The following KSR1 variants were observed in gnomAD, a reference collection of about 807,000 sequenced individuals.
The protein encoded by KSR1 is kinase suppressor of ras.
Under a neutral mutation model 92.9 loss-of-function variants are expected in KSR1, and 35 were observed. The ratio of observed to expected loss-of-function variants is 0.38; its 90% CI spans 0.29 to 0.50. The LOEUF (loss-of-function observed/expected upper bound fraction) is 0.50, where lower values mean the gene tolerates loss of function less well. Ranked by LOEUF, KSR1 falls within the 20% of genes least tolerant of loss-of-function variation. The pLI is 0.94. For missense variants in KSR1, 972 were observed against 1,158.5 expected, an observed-to-expected ratio of 0.84 and a Z score of 2.34; for synonymous variants, 467 against 472.6, an observed-to-expected ratio of 0.99 and a Z score of 0.15.
chr17:27,511,019 G>A (rs930209964), intron 1 of KSR1, among the ~76,000 whole-genome samples: 1 of 152,168 alleles, frequency 6.6e-6, no homozygotes, highest in South Asian at 2.1e-4. Context: ...AGAAGGTGGG[G>A]ATGAGCCTGC....
intron 1 of KSR1, among the ~76,000 whole-genome samples, chr17:27,486,183 GCT>G (rs1373851432): frequency 6.6e-6 from 1 of 152,158 alleles, no homozygotes; most frequent in African/African-American, 2.4e-5. Context: ...ACTTCCCCTG[GCT>G]CTGAGCATTT....
At chr17:27,531,342 A>T (rs893028420) in intron 1 of KSR1, among the ~76,000 whole-genome samples, 1 of 152,248 alleles carries the variant, frequency 6.6e-6, no homozygotes, top group Non-Finnish European at 1.5e-5. Context: ...TCACAGGCCC[A>T]GGGTTACAGA....
intron 1 of KSR1, among the ~76,000 whole-genome samples, chr17:27,512,932 C>T (rs991899878): frequency 2.6e-5 from 4 of 152,172 alleles, no homozygotes; most frequent in African/African-American, 4.8e-5. Context: ...CTGCCAGCGC[C>T]CCCGGAGGCT....
chr17:27,461,633 C>T lies in KSR1; in HGVS notation c.231+4759C>T, dbSNP rs552831299. ...CCGGGTAACTTTTTCCCTGGTGAAA[C>T]CTACCTCCCAAATGTTTCTTAGAGG... On this transcript the variant is annotated intron_variant, in intron 1 of 20. Transcript: ENST00000644974. Among the ~76,000 whole-genome samples the T allele has an allele frequency of 3.9e-5, 6 of 152,312 alleles. No individual in the cohort carries two copies. The South Asian group carries it at 1.2e-3, about 32-fold the overall frequency.
intron 1 of KSR1, among the ~76,000 whole-genome samples, chr17:27,527,391 G>C (rs867708967): frequency 0.083 from 2,162 of 26,206 alleles, 6 homozygotes; most frequent in Non-Finnish European, 0.12. Context: ...TGGCACACCC[G>C]CCCCCCCCCC....
At chr17:27,515,611 G>GTTT (rs770675553) in intron 1 of KSR1, among the ~76,000 whole-genome samples, 6 of 109,020 alleles carry the variant, frequency 5.5e-5, no homozygotes, top group East Asian at 2.8e-4. Context: ...CTGCTTCGTA[G>GTTT]TTTTTTTTTT....
In KSR1 at chr17:27,624,467, C is replaced by G. The variant is rs1444292541; in HGVS notation, c.*1075C>G. The G allele has an allele frequency of 6.6e-6, 1 of 152,294 alleles. No homozygotes were observed. Among genetic ancestry groups the G allele is most frequent in the Non-Finnish European group, 1.5e-5 (1 of 68,140 alleles). 9.4% of individuals were successfully genotyped at this position (152,294 alleles called of 1,614,324 possible). On this transcript the variant is annotated 3_prime_UTR_variant, in exon 21 of 21. Transcript: ENST00000644974. ...AGCTGGGCAGTGTGTGGGCTATCACCCCTTTCATTTAGACCTACCTAGCTG... is the reference window on the plus strand; with the variant it reads ...AGCTGGGCAGTGTGTGGGCTATCACGCCTTTCATTTAGACCTACCTAGCTG...
chr17:27,487,390 G>A (rs991467978), intron 1 of KSR1, among the ~76,000 whole-genome samples: 2 of 152,240 alleles, frequency 1.3e-5, no homozygotes, highest in East Asian at 1.9e-4. Context: ...AGCCGAGATC[G>A]CGCCTCTGCA....
At chr17:27,484,827 G>A (rs1013531196) in intron 1 of KSR1, among the ~76,000 whole-genome samples, 18 of 152,198 alleles carry the variant, frequency 1.2e-4, no homozygotes, top group Admixed American at 5.9e-4. Context: ...GGGATTAACC[G>A]GGGAGCTGCG....
intron 1 of KSR1, among the ~76,000 whole-genome samples, chr17:27,508,906 T>G (rs932259699): frequency 6.6e-6 from 1 of 151,960 alleles, no homozygotes; most frequent in Non-Finnish European, 1.5e-5. Context: ...ACTTTTTGTA[T>G]TTTTAGTAGA....
At chr17:27,587,746 G>A (rs1287035034) in intron 5 of KSR1, 2 of 152,438 alleles carry the variant, frequency 1.3e-5, no homozygotes, top group Non-Finnish European at 2.9e-5. Flanking sequence ...CACTAGGGAT[G>A]CCTGTTCTTA....
At chr17:27,511,630 G>C (rs921276711) in intron 1 of KSR1, among the ~76,000 whole-genome samples, 1 of 152,178 alleles carries the variant, frequency 6.6e-6, no homozygotes, top group African/African-American at 2.4e-5. Flanking sequence ...CTGGGCTGTG[G>C]CTCCATGGCT....
At chr17:27,537,589 G>A (rs561895441) in intron 1 of KSR1, among the ~76,000 whole-genome samples, 19 of 152,280 alleles carry the variant, frequency 1.2e-4, no homozygotes, top group African/African-American at 3.4e-4. Flanking sequence ...TACTTGGGAG[G>A]CTGAGGTGGG....
chr17:27,560,050 G>T (rs1371674663), intron 2 of KSR1, among the ~76,000 whole-genome samples: 2 of 152,226 alleles, frequency 1.3e-5, no homozygotes, highest in African/African-American at 2.4e-5. Flanking sequence ...GGGGTGAGGA[G>T]CGCTGCCTCC....
Position 27,623,458 on chromosome 17 carries a change from A to G in KSR1, c.*66A>G, listed in dbSNP as rs1296579254. The G allele has an allele frequency of 2.8e-6, 2 of 713,268 alleles. No homozygotes were observed. Among genetic ancestry groups the G allele is most frequent in the African/African-American group, 3.5e-5 (2 of 57,702 alleles). The allele number at this position is 713,268 out of a possible 1,614,324, so 44.2% of individuals were successfully genotyped here. On this transcript the variant is annotated 3_prime_UTR_variant, in exon 21 of 21. Transcript: ENST00000644974. ...AAATGTGTTTCTGAAACATCCCAAC[A>G]ACCACCACGACAAAAAAACACTGCC... is the stretch of plus-strand genomic sequence containing the variant.
At chr17:27,484,029 G>A (rs546634096) in intron 1 of KSR1, among the ~76,000 whole-genome samples, 1 of 152,288 alleles carries the variant, frequency 6.6e-6, no homozygotes, top group Non-Finnish European at 1.5e-5. Flanking sequence ...GGGGAGCTGG[G>A]GATGTGTCTC....
chr17:27,600,835 G>A (rs2073529720), intron 10 of KSR1, among the ~76,000 whole-genome samples: 1 of 152,196 alleles, frequency 6.6e-6, no homozygotes, highest in Non-Finnish European at 1.5e-5. Flanking sequence ...TAAGGTCCCA[G>A]AGCCTAGTTA....
chr17:27,480,077 T>C (rs187117306), intron 1 of KSR1, among the ~76,000 whole-genome samples: 1 of 152,296 alleles, frequency 6.6e-6, no homozygotes, highest in African/African-American at 2.4e-5. Flanking sequence ...GACCATTGAC[T>C]CTCATTCCAC....
chr17:27,467,112 G>C lies in KSR1; in HGVS notation c.231+10238G>C, dbSNP rs1201308610. On this transcript the variant is annotated intron_variant, in intron 1 of 20. Transcript: ENST00000644974. ...TTACAGATGAAGAAACTGAGGCACAGAGGGGTTAAGTGACTTTCCCAGAGT... is the reference window on the plus strand; with the variant it reads ...TTACAGATGAAGAAACTGAGGCACACAGGGGTTAAGTGACTTTCCCAGAGT... Among the ~76,000 whole-genome samples, 9 of 152,230 alleles carry C rather than the reference G, an allele frequency of 5.9e-5. No individual in the cohort carries two copies. In the South Asian group the frequency reaches 1.7e-3, roughly 28 times the overall value.
Sources: gnomAD v4.1 joint callset for allele counts (sites outside exome capture counted in the v4.1 genomes callset) on GRCh38, gnomAD v4.1.1 for gene constraint, MANE v1.5 for transcripts, NCBI Gene and HGNC (gene_info 2026-07-23, HGNC 2026-07-21) for gene names.